DPY19L1: variants seen among roughly 807,000 people sequenced by gnomAD.
DPY19L1 encodes protein C-mannosyl-transferase DPY19L1.
A neutral mutation model predicts 96.9 loss-of-function variants in DPY19L1; 35 were observed. The observed-to-expected ratio is 0.36, with a 90% CI of 0.28 to 0.48. DPY19L1 has a LOEUF of 0.48. DPY19L1 is among the 20% of genes least tolerant of loss of function. DPY19L1 has a pLI of 0.99. For missense variants in DPY19L1, 521 were observed against 777.9 expected (o/e 0.67, Z 3.93); for synonymous variants, 205 against 252.6 (o/e 0.81, Z 1.79).
Position 34,955,294 on chromosome 7 carries a change from A to G in DPY19L1, c.1239+14T>C. ...GAAGAAAAAACATAAGCATTAAAAT[A>G]GATTGATTCTCACCCATAAACTAAG... is the stretch of plus-strand genomic sequence containing the variant. On this transcript the variant is annotated intron_variant, in intron 12 of 21. Transcript: ENST00000638088. 1.3e-6 allele frequency: 2 copies of G among 1,572,462 alleles called. No individual in the cohort carries two copies. The highest frequency in any genetic ancestry group is 1.7e-6 in the Non-Finnish European group (2 of 1,154,254).
chr7:35,006,972 C>T (rs1322140611), intron 6 of DPY19L1, among the ~76,000 whole-genome samples: 2 of 152,058 alleles, frequency 1.3e-5, no homozygotes, highest in Admixed American at 6.6e-5. Flanking sequence ...TTTTTTTAAT[C>T]CTAAAAACAA....
chr7:34,957,144 A>G (rs983126545), intron 11 of DPY19L1, among the ~76,000 whole-genome samples: 4 of 151,814 alleles, frequency 2.6e-5, no homozygotes, highest in African/African-American at 9.7e-5. Context: ...GCACTTTGGG[A>G]GGCCGAGGTG....
intron 7 of DPY19L1, among the ~76,000 whole-genome samples, chr7:34,980,986 T>C (rs1274226860): frequency 6.6e-6 from 1 of 152,088 alleles, no homozygotes; most frequent in East Asian, 1.9e-4. Context: ...TCAATAGTGA[T>C]AGAGATAGAA....
upstream of DPY19L1, chr7:35,037,788 C>T (rs1562835725): frequency 3.3e-6 from 4 of 1,201,652 alleles, no homozygotes; most frequent in Admixed American, 8.9e-5. Context: ...CAGGCGGGGC[C>T]CGACCCCTCT....
rs367691527 is a variant in DPY19L1 at position 34,970,047 on chromosome 7, C to T, written c.915-515G>A. The stretch of plus-strand genomic sequence containing the variant: ...TTAAGTGGAGGAAAAGATATGGGGT[C>T]CATTCTGAAGCAACCTTTAGAGATC... On this transcript the variant is annotated intron_variant, in intron 8 of 21. Coordinates refer to ENST00000638088, the MANE Select transcript of DPY19L1 (RefSeq NM_001366673.1). Among the ~76,000 whole-genome samples the T allele has an allele frequency of 1.2e-4, 19 of 152,236 alleles. No individual in the cohort carries two copies. In the East Asian group the frequency reaches 2.7e-3, roughly 22 times the overall value.
chr7:35,008,097 A>G (rs1785608954), intron 6 of DPY19L1, among the ~76,000 whole-genome samples: 1 of 151,756 alleles, frequency 6.6e-6, no homozygotes, highest in Non-Finnish European at 1.5e-5. Flanking sequence ...TTTTATCTTC[A>G]TGGTTTATTT....
chr7:34,981,194 C>T (rs1325653727), intron 7 of DPY19L1, among the ~76,000 whole-genome samples: 7 of 151,934 alleles, frequency 4.6e-5, no homozygotes, highest in Non-Finnish European at 2.9e-5. Flanking sequence ...GAGACTACTA[C>T]CAGCCAAATC....
At chr7:34,972,079 G>C (rs1243381008) in intron 8 of DPY19L1, among the ~76,000 whole-genome samples, 2 of 152,194 alleles carry the variant, frequency 1.3e-5, no homozygotes, top group Non-Finnish European at 1.5e-5. Context: ...TGCTGGTTTT[G>C]AAGATGAAGG....
At position 34,969,447 on chromosome 7, in the gene DPY19L1, C is replaced by G; in HGVS notation, c.1000G>C (p.Val334Leu). 1 of 1,562,974 alleles carries G rather than the reference C, an allele frequency of 6.4e-7. No individual in the cohort carries two copies. Among genetic ancestry groups the G allele is most frequent in the Non-Finnish European group, 8.6e-7 (1 of 1,156,388 alleles). Residue 334 changes from valine (V) to leucine (L), a missense_variant, in exon 9 of 22, where the codon GTA becomes CTA. Physicochemically the swap from Val to Leu is conservative, Grantham distance 32 (BLOSUM62 1). Coordinates refer to ENST00000638088, the MANE Select transcript of DPY19L1 (RefSeq NM_001366673.1). ...FMLPWQFAQF[V>L]LLTQIASLFA... ...AATCACCTCACCTGAGTAAGAAGTA[C>G]AAACTGAGCAAACTGCCAAGGAAGC...
chr7:34,937,770 C>T (rs546179460), intron 21 of DPY19L1, among the ~76,000 whole-genome samples: 1 of 151,992 alleles, frequency 6.6e-6, no homozygotes, highest in Non-Finnish European at 1.5e-5. Context: ...CCCATCTCCA[C>T]TAAAAATACA....
At chr7:35,032,087 A>T (rs985811409) in intron 1 of DPY19L1, among the ~76,000 whole-genome samples, 11 of 152,098 alleles carry the variant, frequency 7.2e-5, no homozygotes, top group African/African-American at 2.4e-4. Flanking sequence ...TTGTTCCTGT[A>T]TCTCTAAGTA....
intron 13 of DPY19L1, among the ~76,000 whole-genome samples, chr7:34,952,593 A>G (rs1163391949): frequency 2.6e-5 from 4 of 152,192 alleles, no homozygotes; most frequent in Non-Finnish European, 5.9e-5. Flanking sequence ...AGAAAACTAC[A>G]ACAAATATTC....
At chr7:35,013,915 T>C (rs1235641035) in intron 3 of DPY19L1, among the ~76,000 whole-genome samples, 4 of 152,180 alleles carry the variant, frequency 2.6e-5, no homozygotes, top group Non-Finnish European at 4.4e-5. Context: ...AATAACTGAA[T>C]GCAAAATAGC....
rs1458221789 is a variant in DPY19L1, at chr7:35,037,482, C to G, written c.-88G>C. ...GCTGGGCGGCTGGGCGCAGCTCACTCTCCAGCGGGCGGGCGGGCGGAGGGT... is the reference window on the plus strand; with the variant it reads ...GCTGGGCGGCTGGGCGCAGCTCACTGTCCAGCGGGCGGGCGGGCGGAGGGT... On this transcript the variant is annotated 5_prime_UTR_variant, in exon 1 of 22. Coordinates refer to ENST00000638088, the MANE Select transcript of DPY19L1 (RefSeq NM_001366673.1). The G allele has an allele frequency of 3.2e-6, 1 of 313,596 alleles. No homozygotes were observed. The highest frequency in any genetic ancestry group is 2.2e-5 in the African/African-American group (1 of 45,108). 19.4% of individuals were successfully genotyped at this position (313,596 alleles called of 1,614,324 possible).
intron 15 of DPY19L1, 119 bp downstream of exon 15, chr7:34,947,511 G>A (rs1438885057): frequency 2.8e-6 from 2 of 717,356 alleles, no homozygotes; most frequent in African/African-American, 3.8e-5. Flanking sequence ...CATAGAATAT[G>A]TTACAGTAAG....
intron 15 of DPY19L1, 22 bp from the exon 16 acceptor site, chr7:34,945,738 C>T (rs1562801557): frequency 1.3e-6 from 2 of 1,541,144 alleles, no homozygotes; most frequent in South Asian, 2.3e-5. Context: ...TTTTGAAACA[C>T]TTTAGAAAAG....
chr7:34,972,642 C>T (rs902165563), intron 8 of DPY19L1, among the ~76,000 whole-genome samples: 13 of 152,250 alleles, frequency 8.5e-5, no homozygotes, highest in African/African-American at 2.6e-4. Flanking sequence ...GAGAAGGGAC[C>T]ATTGCTCAAG....
intron 3 of DPY19L1, among the ~76,000 whole-genome samples, chr7:35,015,253 C>T (rs1584256808): frequency 6.6e-6 from 1 of 152,142 alleles, no homozygotes; most frequent in Admixed American, 6.5e-5. Context: ...TATTTATCAA[C>T]TTGGAAGAAG....
intron 6 of DPY19L1, among the ~76,000 whole-genome samples, chr7:34,999,083 T>A (rs1442041125): frequency 1.3e-5 from 2 of 152,190 alleles, no homozygotes; most frequent in African/African-American, 2.4e-5. Context: ...TAAAAAAAGT[T>A]TTCCTCCAAA....
Sources: allele counts gnomAD v4.1 joint callset (sites outside exome capture counted in the v4.1 genomes callset), GRCh38; gene constraint gnomAD v4.1.1; transcripts MANE v1.5; gene names NCBI Gene and HGNC (gene_info 2026-07-23, HGNC 2026-07-21).